Variants in MLIP observed in about 807,000 individuals in gnomAD.
MLIP encodes muscular LMNA interacting protein.
In MLIP, 79 loss-of-function variants were observed where a neutral mutation model predicts 84.8. That is an observed-to-expected ratio of 0.93 (90% CI 0.78 to 1.12). The LOEUF (loss-of-function observed/expected upper bound fraction) is 1.12, where lower values mean the gene tolerates loss of function less well. MLIP is among the 50% of genes most tolerant of loss of function. MLIP has a pLI of 0.00. For synonymous variants in MLIP, 504 were observed against 463.0 expected (o/e 1.09, Z -1.14); for missense variants, 1,257 against 1,160.6 (o/e 1.08, Z -1.21).
intron 4 of MLIP, among the ~76,000 whole-genome samples, chr6:54,146,280 A>G (rs773966336): frequency 4.6e-5 from 7 of 152,326 alleles, no homozygotes; most frequent in Non-Finnish European, 1.0e-4. Flanking sequence ...TCTTCATTAC[A>G]TTAATTGAGT....
chr6:54,130,035 G>C (rs1029021540), intron 3 of MLIP, among the ~76,000 whole-genome samples: 1 of 152,088 alleles, frequency 6.6e-6, no homozygotes, highest in Non-Finnish European at 1.5e-5. Flanking sequence ...TTCGTGCTTA[G>C]GGTGAGTACA....
intron 10 of MLIP, among the ~76,000 whole-genome samples, chr6:54,199,469 A>G (rs2792640): frequency 0.97 from 147,418 of 152,238 alleles, 71,561 homozygotes; most frequent in East Asian, 1. Flanking sequence ...GACAATGACA[A>G]TGTTATTAGC....
At chr6:54,072,241 T>A (rs1222756965) in intron 1 of MLIP, among the ~76,000 whole-genome samples, 2 of 152,168 alleles carry the variant, frequency 1.3e-5, no homozygotes, top group Non-Finnish European at 2.9e-5. Context: ...ACCCTTTCCC[T>A]GACCAATCAA....
chr6:54,090,614 T>C (rs1342218589), intron 1 of MLIP, among the ~76,000 whole-genome samples: 1 of 152,012 alleles, frequency 6.6e-6, no homozygotes, highest in Non-Finnish European at 1.5e-5. Flanking sequence ...ATCGGTTGTG[T>C]GCACGGCATT....
At chr6:54,115,956 G>T (rs1318984607) in intron 1 of MLIP, among the ~76,000 whole-genome samples, 1 of 152,178 alleles carries the variant, frequency 6.6e-6, no homozygotes, top group African/African-American at 2.4e-5. Flanking sequence ...ATACAGATAT[G>T]TAAGATTTTT....
intron 13 of MLIP, among the ~76,000 whole-genome samples, chr6:54,258,609 A>T (rs562147803): frequency 6.6e-6 from 1 of 152,134 alleles, no homozygotes; most frequent in South Asian, 2.1e-4. Context: ...TGTTATAATA[A>T]TATCTGTCTC....
At chr6:54,106,108 G>A (rs1310785390) in intron 1 of MLIP, among the ~76,000 whole-genome samples, 1 of 152,150 alleles carries the variant, frequency 6.6e-6, no homozygotes, top group African/African-American at 2.4e-5. Context: ...ACCTGTAGAT[G>A]GGAAGGAGGC....
At chr6:54,239,392 T>C (rs1255901126) in intron 12 of MLIP, among the ~76,000 whole-genome samples, 3 of 147,674 alleles carry the variant, frequency 2.0e-5, no homozygotes, top group Admixed American at 1.4e-4. Context: ...AATATATATA[T>C]ACACACACAC....
intron 4 of MLIP, among the ~76,000 whole-genome samples, chr6:54,148,394 A>G (rs1773082706): frequency 6.6e-6 from 1 of 152,150 alleles, no homozygotes; most frequent in Non-Finnish European, 1.5e-5. Flanking sequence ...CACTTAGGAA[A>G]TTTTAACATT....
intron 1 of MLIP, among the ~76,000 whole-genome samples, chr6:54,039,592 C>T (rs1356409233): frequency 1.3e-5 from 2 of 151,832 alleles, no homozygotes; most frequent in African/African-American, 4.8e-5. Flanking sequence ...CACATGAGAG[C>T]TAGCCTCATG....
chr6:54,232,623 G>A (rs1651549374), intron 12 of MLIP, among the ~76,000 whole-genome samples: 1 of 152,128 alleles, frequency 6.6e-6, no homozygotes, highest in African/African-American at 2.4e-5. Context: ...TTACCAATTT[G>A]ATGTCTATGT....
At chr6:54,257,813 C>G (rs188867124) in intron 13 of MLIP, among the ~76,000 whole-genome samples, 310 of 152,152 alleles carry the variant, frequency 2.0e-3, no homozygotes, top group African/African-American at 6.5e-3. Flanking sequence ...CCCACCTTCC[C>G]CAAGTGAATT....
rs1334731220 is a variant in MLIP, at chr6:54,160,589, C to T, written c.2429C>T (p.Ser810Phe). The change falls in exon 7 of 14, where the codon TCC becomes TTC. Residue 810 changes from serine to phenylalanine, a missense_variant. Physicochemically the swap from Ser to Phe is radical, Grantham distance 155 (BLOSUM62 -2). Transcript: ENST00000502396. ...CATIDKVLQD[S>F]LSMHSSDSPS... The stretch of plus-strand genomic sequence containing the variant: ...ACCATTGATAAGGTCTTACAGGATT[C>T]CTTGTCTATGGTAATGCTTTAGACT... 1 of 1,610,522 alleles carries T rather than the reference C, an allele frequency of 6.2e-7. No individual in the cohort carries two copies. Among genetic ancestry groups the T allele is most frequent in the Non-Finnish European group, 8.5e-7 (1 of 1,177,558 alleles).
At chr6:54,205,859 CGTTA>C (rs1779002168) in intron 11 of MLIP, among the ~76,000 whole-genome samples, 1 of 152,074 alleles carries the variant, frequency 6.6e-6, no homozygotes, top group Admixed American at 6.6e-5. Flanking sequence ...AATCTTCACT[CGTTA>C]TTCAGTTAAT....
rs796451161 is a variant in MLIP at position 54,145,794 on chromosome 6, C to CA, written c.2218-3251dup. On this transcript the variant is annotated intron_variant, in intron 4 of 13. Coordinates refer to ENST00000502396, the MANE Select transcript of MLIP (RefSeq NM_001281747.2). Reference sequence around the variant, plus strand: ...CTGTCCCCCACCACCCCCTCCCCCACAAAAAAAAAAAGAAAAAGAAAGAGA... The same window carrying CA: ...CTGTCCCCCACCACCCCCTCCCCCACAAAAAAAAAAAAGAAAAAGAAAGAGA... Among the ~76,000 whole-genome samples, 862 of 126,692 alleles carry CA rather than the reference C, an allele frequency of 6.8e-3. 25 individuals are homozygous for CA. Among genetic ancestry groups the CA allele is most frequent in the East Asian group, 0.063 (281 of 4,494 alleles). 83.1% of individuals were successfully genotyped at this position (126,692 alleles called of 152,430 possible).
intron 1 of MLIP, among the ~76,000 whole-genome samples, chr6:54,050,050 T>C (rs1765287375): frequency 6.6e-6 from 1 of 152,108 alleles, no homozygotes; most frequent in Non-Finnish European, 1.5e-5. Flanking sequence ...GTTTTTCACA[T>C]GGGAGCTCTT....
In MLIP at chr6:54,257,370, A is replaced by G. The variant is rs576031864; in HGVS notation, c.2976+9A>G. Reference sequence around the variant, plus strand: ...CTCTTGATTCCAAAGAGGTAAATGTAAGATAGGACTGGATATCTAATTATC... The same window carrying G: ...CTCTTGATTCCAAAGAGGTAAATGTGAGATAGGACTGGATATCTAATTATC... On this transcript the variant is annotated intron_variant, in intron 13 of 13. Transcript: ENST00000502396. The G allele has an allele frequency of 1.0e-5, 16 of 1,592,426 alleles. No homozygotes were observed. The highest frequency in any genetic ancestry group is 8.9e-5 in the South Asian group (8 of 90,290).
chr6:54,171,418 T>C (rs1775759409), intron 9 of MLIP, among the ~76,000 whole-genome samples: 1 of 151,618 alleles, frequency 6.6e-6, no homozygotes, highest in Non-Finnish European at 1.5e-5. Flanking sequence ...ACATGACATT[T>C]GAATTGTTGT....
At chr6:54,229,873 T>G (rs1780860113) in intron 11 of MLIP, among the ~76,000 whole-genome samples, 1 of 152,222 alleles carries the variant, frequency 6.6e-6, no homozygotes, top group South Asian at 2.1e-4. Context: ...ATATTTGTAT[T>G]TGCTTGATTT....
Sources: gnomAD v4.1 joint callset for allele counts (sites outside exome capture counted in the v4.1 genomes callset) on GRCh38, gnomAD v4.1.1 for gene constraint, MANE v1.5 for transcripts, NCBI Gene and HGNC (gene_info 2026-07-23, HGNC 2026-07-21) for gene names.